Variants in ASH1L observed in about 807,000 individuals in gnomAD.
ASH1L encodes the protein ASH1 like histone lysine methyltransferase.
Under a neutral mutation model 269.0 loss-of-function variants are expected in ASH1L, and 23 were observed. The observed-to-expected ratio is 0.09, with a 90% confidence interval of 0.06 to 0.12. The LOEUF (loss-of-function observed/expected upper bound fraction) is 0.12, where lower values mean the gene tolerates loss of function less well. Among genes scored for constraint, ASH1L ranks in the 10% least tolerant of loss-of-function variants. The probability of loss-of-function intolerance (pLI) is 1.00; values close to 1 mark genes in which losing one functional copy is unlikely to be tolerated. For missense variants in ASH1L, 2,912 were observed against 3,567.8 expected (o/e 0.82, Z 4.68); for synonymous variants, 1,187 against 1,253.5 (o/e 0.95, Z 1.12).
intron 10 of ASH1L, among the ~76,000 whole-genome samples, chr1:155,372,828 T>C (rs1259343342): frequency 6.6e-6 from 1 of 152,200 alleles, no homozygotes. Flanking sequence ...TTTGCTGCTG[T>C]TGTATTACAG....
chr1:155,391,891 G>A (rs12407344), intron 7 of ASH1L, among the ~76,000 whole-genome samples: 2 of 152,236 alleles, frequency 1.3e-5, no homozygotes, highest in South Asian at 2.1e-4. Context: ...AGGAGGTAGA[G>A]GCTGCAGTGA....
intron 5 of ASH1L, among the ~76,000 whole-genome samples, chr1:155,429,953 A>T (rs1661477124): frequency 6.6e-6 from 1 of 151,202 alleles, no homozygotes; most frequent in Non-Finnish European, 1.5e-5. Context: ...CTACAGGCAC[A>T]CATCAGCACG....
chr1:155,539,439 T>C (rs1670273252), intron 1 of ASH1L, among the ~76,000 whole-genome samples: 1 of 103,556 alleles, frequency 9.7e-6, no homozygotes, highest in Non-Finnish European at 2.6e-5. Flanking sequence ...AGGTGTTTTA[T>C]TTTATATATA....
intron 5 of ASH1L, among the ~76,000 whole-genome samples, chr1:155,417,415 T>C (rs1031863456): frequency 1.3e-5 from 2 of 152,132 alleles, no homozygotes; most frequent in African/African-American, 2.4e-5. Context: ...GAAATCTAAC[T>C]ATGGGTGTCT....
chr1:155,375,684 G>A (rs1206067603), intron 10 of ASH1L, among the ~76,000 whole-genome samples: 2 of 152,002 alleles, frequency 1.3e-5, no homozygotes, highest in South Asian at 4.1e-4. Context: ...CCAGCTACTC[G>A]CAAGGATGAA....
chr1:155,465,050 G>T (rs1482899497), intron 3 of ASH1L, among the ~76,000 whole-genome samples: 1 of 151,990 alleles, frequency 6.6e-6, no homozygotes, highest in East Asian at 1.9e-4. Flanking sequence ...TCCACTGGAG[G>T]AACTAAAACA....
intron 4 of ASH1L, among the ~76,000 whole-genome samples, chr1:155,446,580 T>A (rs1663047138): frequency 6.6e-6 from 1 of 151,632 alleles, no homozygotes; most frequent in Admixed American, 6.6e-5. Context: ...ATTACAGGTG[T>A]GAGCCACCAT....
intron 1 of ASH1L, among the ~76,000 whole-genome samples, chr1:155,556,402 G>A (rs572370674): frequency 4.6e-4 from 4 of 8,738 alleles, no homozygotes; most frequent in African/African-American, 5.5e-4. Context: ...ATATATATAC[G>A]TGTGTGTGTG....
intron 1 of ASH1L, among the ~76,000 whole-genome samples, chr1:155,523,198 G>A (rs1669005753): frequency 1.3e-5 from 2 of 152,138 alleles, no homozygotes; most frequent in South Asian, 4.1e-4. Context: ...ATTACAACAA[G>A]AGAGTAAGAT....
intron 2 of ASH1L, among the ~76,000 whole-genome samples, chr1:155,519,191 T>C (rs907847578): frequency 1.3e-5 from 2 of 152,110 alleles, no homozygotes; most frequent in East Asian, 3.9e-4. Context: ...TCCCAGCACT[T>C]TGGGAAGCAG....
rs61213200 is a variant in ASH1L, at chr1:155,357,078, T to TACACACACACACAC, written c.7055+224_7055+237dup. On this transcript the variant is annotated intron_variant, in intron 15 of 27. Coordinates refer to ENST00000392403, the MANE Select transcript of ASH1L (RefSeq NM_018489.3). ...GGGTGACAGAGTAAGATCCCAGCTCTACACACACACACACACACACACACA... is the reference window on the plus strand; with the variant it reads ...GGGTGACAGAGTAAGATCCCAGCTCTACACACACACACACACACACACACACACACACACACACA... Among the ~76,000 whole-genome samples, 41 of 53,084 alleles carry TACACACACACACAC rather than the reference T, an allele frequency of 7.7e-4. No homozygotes were observed. In the South Asian group the frequency reaches 7.8e-3, roughly 10 times the overall value. The allele number at this position is 53,084 out of a possible 152,430, so 34.8% of individuals were successfully genotyped here. A position where few individuals can be genotyped will look rare whatever the true frequency, so the allele number is the denominator to read the frequency against.
At chr1:155,456,291 A>G in intron 4 of ASH1L, among the ~76,000 whole-genome samples, 1 of 152,182 alleles carries the variant, frequency 6.6e-6, no homozygotes. Flanking sequence ...ATTTATTTCA[A>G]TGCCACCTGA....
intron 4 of ASH1L, among the ~76,000 whole-genome samples, chr1:155,453,119 C>A (rs1663611563): frequency 1.3e-5 from 2 of 152,112 alleles, no homozygotes; most frequent in South Asian, 4.1e-4. Context: ...CTTTGGGGGG[C>A]CGAGGCAGGC....
chr1:155,373,250 T>C (rs1285560088), intron 10 of ASH1L, among the ~76,000 whole-genome samples: 2 of 150,576 alleles, frequency 1.3e-5, no homozygotes, highest in Non-Finnish European at 3.0e-5. Context: ...AAACTGAACA[T>C]AGAAGACAAA....
intron 4 of ASH1L, among the ~76,000 whole-genome samples, chr1:155,459,488 G>C (rs887776387): frequency 6.6e-6 from 1 of 152,132 alleles, no homozygotes; most frequent in Non-Finnish European, 1.5e-5. Flanking sequence ...AAGCCACAGC[G>C]CCTGGCCTTA....
intron 6 of ASH1L, among the ~76,000 whole-genome samples, chr1:155,402,847 C>A (rs1373177823): frequency 6.6e-6 from 1 of 151,708 alleles, no homozygotes; most frequent in Admixed American, 6.6e-5. Flanking sequence ...AGCCACCACA[C>A]CCAGCCAAGT....
chr1:155,430,747 A>G (rs1039197399), intron 5 of ASH1L, among the ~76,000 whole-genome samples: 6 of 152,068 alleles, frequency 3.9e-5, no homozygotes, highest in African/African-American at 1.2e-4. Flanking sequence ...CATTCTTCCA[A>G]TATCATTTTC....
chr1:155,493,736 T>C (rs1348664617), intron 2 of ASH1L, among the ~76,000 whole-genome samples: 2 of 151,930 alleles, frequency 1.3e-5, no homozygotes, highest in Non-Finnish European at 2.9e-5. Flanking sequence ...TAGCTGGGTG[T>C]GGCAGTGTGT....
At chr1:155,433,672 G>A in intron 5 of ASH1L, 1 of 1,600,754 alleles carries the variant, frequency 6.2e-7, no homozygotes, top group Non-Finnish European at 8.5e-7. Flanking sequence ...GATATACACA[G>A]GCCGATGTGG....
Sources: allele counts gnomAD v4.1 joint callset (sites outside exome capture counted in the v4.1 genomes callset), GRCh38; gene constraint gnomAD v4.1.1; transcripts MANE v1.5; gene names NCBI Gene and HGNC (gene_info 2026-07-23, HGNC 2026-07-21).